The following PRICKLE2 variants were observed in gnomAD, a reference collection of about 807,000 sequenced individuals.
PRICKLE2 encodes prickle planar cell polarity protein 2, also known as prickle-like protein 2.
In PRICKLE2, 21 loss-of-function variants were observed where a neutral mutation model predicts 81.4. That is an observed-to-expected ratio of 0.26 (90% CI 0.18 to 0.37). PRICKLE2 has a LOEUF of 0.37. PRICKLE2 is among the 10% of genes least tolerant of loss of function. The pLI is 1.00. For synonymous variants in PRICKLE2, 456 were observed against 421.5 expected (o/e 1.08, Z -1.00); for missense variants, 940 against 1,109.0 (o/e 0.85, Z 2.16).
chr3:64,099,494 C>T lies in PRICKLE2; in HGVS notation c.2092G>A (p.Ala698Thr), dbSNP rs763974341. 3.3e-5 allele frequency: 52 copies of T among 1,592,386 alleles called. No homozygotes were observed. The highest frequency in any genetic ancestry group is 6.8e-5 in the Admixed American group (4 of 59,132). ...TCGCGTTCGCTGGCCAGGTGGAGGG[C>T]GTTGTCGGAGCGAGAGCGTCGGGAA... ...RRSRRSRSDNALHLASEREAI... is the reference protein window; with the variant it reads ...RRSRRSRSDNTLHLASEREAI... Residue 698 changes from alanine (A) to threonine (T), a missense_variant, in exon 8 of 8, where the codon GCC becomes ACC. By Grantham distance (58) the Ala-to-Thr change is moderately conservative (BLOSUM62 0). This residue lies in a region of PRICKLE2 where 670 missense variants were observed against 717.2 expected (regional missense o/e 0.93). Transcript: ENST00000638394. The surrounding 1 kb of genome is among the most constrained non-coding windows in gnomAD (Gnocchi z 4.3).
chr3:64,110,155 C>T (rs150850783), intron 7 of PRICKLE2, among the ~76,000 whole-genome samples: 3 of 152,316 alleles, frequency 2.0e-5, no homozygotes, highest in Middle Eastern at 3.4e-3. Context: ...AAAGGATACA[C>T]AACAAATTCA....
intron 2 of PRICKLE2, among the ~76,000 whole-genome samples, chr3:64,259,412 T>C (rs549474017): frequency 6.6e-6 from 1 of 152,308 alleles, no homozygotes; most frequent in East Asian, 1.9e-4. Flanking sequence ...GCCTGACTCC[T>C]GGTTTAAACA....
At chr3:64,238,548 G>C (rs1173299817) in intron 2 of PRICKLE2, among the ~76,000 whole-genome samples, 1 of 151,964 alleles carries the variant, frequency 6.6e-6, no homozygotes, top group Non-Finnish European at 1.5e-5. Flanking sequence ...GGTAGAATTA[G>C]GGCTAACATG....
At chr3:64,109,316 C>T (rs2076806169) in intron 7 of PRICKLE2, among the ~76,000 whole-genome samples, 1 of 152,188 alleles carries the variant, frequency 6.6e-6, no homozygotes. Flanking sequence ...AAGAACTCCC[C>T]AGTTAAGGCC....
chr3:64,252,107 T>TA (rs2079455258), intron 2 of PRICKLE2, among the ~76,000 whole-genome samples: 2 of 152,108 alleles, frequency 1.3e-5, no homozygotes, highest in Admixed American at 6.5e-5. Flanking sequence ...CAACATGGTC[T>TA]AAAAAAAGTA....
At chr3:64,128,809 A>G (rs992978203) in intron 7 of PRICKLE2, among the ~76,000 whole-genome samples, 1 of 152,068 alleles carries the variant, frequency 6.6e-6, no homozygotes. Context: ...AAAAGAAAAA[A>G]AAGTGTTATT....
At position 64,187,594 on chromosome 3, in the gene PRICKLE2, T is replaced by G. The variant is rs189562173; in HGVS notation, c.144+11190A>C. The G allele has an allele frequency of 1.7e-3, 263 of 152,368 alleles. 2 individuals are homozygous for G. The highest frequency in any genetic ancestry group is 6.2e-3 in the African/African-American group (257 of 41,576). 9.4% of individuals were successfully genotyped at this position (152,368 alleles called of 1,614,324 possible). A position where few individuals can be genotyped will look rare whatever the true frequency, so the allele number is the denominator to read the frequency against. Reference sequence around the variant, plus strand: ...GAGTAATGAAATAAAGACAACACTCTGCAAATGGCTGGTGAGTCTAATGAT... The same window carrying G: ...GAGTAATGAAATAAAGACAACACTCGGCAAATGGCTGGTGAGTCTAATGAT... On this transcript the variant is annotated intron_variant, in intron 2 of 7. Transcript: ENST00000638394.
At chr3:64,115,034 G>A (rs1203890150) in intron 7 of PRICKLE2, among the ~76,000 whole-genome samples, 2 of 152,136 alleles carry the variant, frequency 1.3e-5, no homozygotes, top group Non-Finnish European at 2.9e-5. Flanking sequence ...GAAAAGAATG[G>A]GGGCCAATAT....
chr3:64,220,355 T>C (rs2078932752), intron 1 of PRICKLE2, among the ~76,000 whole-genome samples: 1 of 152,194 alleles, frequency 6.6e-6, no homozygotes, highest in South Asian at 2.1e-4. Context: ...GGAGGGTGAC[T>C]TGAAGACAAT....
intron 2 of PRICKLE2, among the ~76,000 whole-genome samples, chr3:64,237,429 G>A (rs371592967): frequency 2.0e-5 from 3 of 152,042 alleles, no homozygotes; most frequent in South Asian, 2.1e-4. Flanking sequence ...CCTGGAGTTC[G>A]GCCATCTCCG....
Position 64,178,802 on chromosome 3 carries a change from C to G in PRICKLE2, c.145-15673G>C, listed in dbSNP as rs571188084. On this transcript the variant is annotated intron_variant, in intron 2 of 7. Transcript: ENST00000638394. ...TCTGGTCCCAACATTTTCGTTAACC[C>G]ATTAATCCATAACCTTGTTTCATGT... Among the ~76,000 whole-genome samples, 4 of 152,208 alleles carry G rather than the reference C, an allele frequency of 2.6e-5. No individual in the cohort carries two copies. The East Asian group carries it at 7.7e-4, about 29-fold the overall frequency.
chr3:64,153,128 A>C, intron 6 of PRICKLE2, 54 bp downstream of exon 6: 1 of 1,530,102 alleles, frequency 6.5e-7, no homozygotes, highest in Non-Finnish European at 9.1e-7. Flanking sequence ...TACACCCAAA[A>C]CAAAGGTGAC....
intron 7 of PRICKLE2, among the ~76,000 whole-genome samples, chr3:64,110,814 A>C (rs1007413325): frequency 1.3e-5 from 2 of 152,078 alleles, no homozygotes; most frequent in African/African-American, 4.8e-5. Flanking sequence ...AAGGAGCCAC[A>C]CGGAGGTTCT....
chr3:64,179,502 A>G (rs2078089207), intron 2 of PRICKLE2, among the ~76,000 whole-genome samples: 1 of 152,214 alleles, frequency 6.6e-6, no homozygotes, highest in African/African-American at 2.4e-5. Context: ...TAGGATGCAA[A>G]AAAGTGGCCC....
At chr3:64,111,562 T>G (rs1449456192) in intron 7 of PRICKLE2, among the ~76,000 whole-genome samples, 1 of 152,212 alleles carries the variant, frequency 6.6e-6, no homozygotes, top group Non-Finnish European at 1.5e-5. Context: ...GCAGCTGCAA[T>G]GAAAACAGTC....
At chr3:64,223,128 T>G (rs941391442) in intron 1 of PRICKLE2, among the ~76,000 whole-genome samples, 1 of 152,252 alleles carries the variant, frequency 6.6e-6, no homozygotes, top group African/African-American at 2.4e-5. Flanking sequence ...GGCAAATGGA[T>G]GTGAACATGT....
intron 7 of PRICKLE2, among the ~76,000 whole-genome samples, chr3:64,135,389 AG>A (rs2077262038): frequency 6.6e-6 from 1 of 152,212 alleles, no homozygotes; most frequent in African/African-American, 2.4e-5. Flanking sequence ...CAAAGAGTTG[AG>A]AAAGGCAATT....
chr3:64,143,340 T>G (rs1247364129), intron 7 of PRICKLE2, among the ~76,000 whole-genome samples: 1 of 152,112 alleles, frequency 6.6e-6, no homozygotes, highest in East Asian at 1.9e-4. Flanking sequence ...TCCCTCAGTT[T>G]TATCAGGCAT....
chr3:64,169,716 T>C (rs1029730062), intron 2 of PRICKLE2, among the ~76,000 whole-genome samples: 1 of 152,164 alleles, frequency 6.6e-6, no homozygotes, highest in African/African-American at 2.4e-5. Flanking sequence ...TTTTATAAAA[T>C]CCAACTTAAC....
Sources: gnomAD v4.1 joint callset for allele counts (sites outside exome capture counted in the v4.1 genomes callset) on GRCh38, gnomAD v4.1.1 for gene constraint, gnomAD v4.1.1 regional missense constraint, Gnocchi (gnomAD v3.1) non-coding constraint, MANE v1.5 for transcripts, NCBI Gene and HGNC (gene_info 2026-07-23, HGNC 2026-07-21) for gene names.